Variants in POLR3B observed in about 807,000 individuals in gnomAD.
The protein encoded by POLR3B is RNA polymerase III subunit B.
Under a neutral mutation model 147.4 loss-of-function variants are expected in POLR3B, and 96 were observed. The observed-to-expected ratio is 0.65, with a 90% CI of 0.55 to 0.77. POLR3B has a LOEUF of 0.77. Among genes scored for constraint, POLR3B ranks in the 30% least tolerant of loss-of-function variants. The probability of loss-of-function intolerance (pLI) is 0.00; values close to 1 mark genes in which losing one functional copy is unlikely to be tolerated. For missense variants in POLR3B, 1,036 were observed against 1,413.5 expected, an observed-to-expected ratio of 0.73 and a Z score of 4.28; for synonymous variants, 461 against 485.9, an observed-to-expected ratio of 0.95 and a Z score of 0.67.
intron 1 of POLR3B, among the ~76,000 whole-genome samples, chr12:106,359,362 A>T (rs180886499): frequency 1.5e-5 from 2 of 132,088 alleles, no homozygotes; most frequent in African/African-American, 5.8e-5. Flanking sequence ...GACGGAGTCT[A>T]GCTCTGTCGC....
chr12:106,497,741 A>G (rs990745219), intron 25 of POLR3B, among the ~76,000 whole-genome samples: 1 of 152,252 alleles, frequency 6.6e-6, no homozygotes, highest in African/African-American at 2.4e-5. Flanking sequence ...ACATGGTCCC[A>G]GTTCTATGGA....
chr12:106,431,098 A>G (rs2037504371), intron 14 of POLR3B, among the ~76,000 whole-genome samples: 1 of 152,116 alleles, frequency 6.6e-6, no homozygotes, highest in Non-Finnish European at 1.5e-5. Context: ...ATTGTATCTC[A>G]AGCTCCTAAC....
At chr12:106,457,326 A>T in intron 21 of POLR3B, 30 bp downstream of exon 21, 1 of 1,563,764 alleles carries the variant, frequency 6.4e-7, no homozygotes, top group Non-Finnish European at 8.8e-7. Context: ...AAAAATTTTA[A>T]TACTTTTTGA....
At chr12:106,358,654 G>T (rs143194599) in intron 1 of POLR3B, among the ~76,000 whole-genome samples, 4 of 152,130 alleles carry the variant, frequency 2.6e-5, no homozygotes, top group African/African-American at 9.7e-5. Context: ...AGACGTGGCC[G>T]GAGAAGATAG....
intron 1 of POLR3B, among the ~76,000 whole-genome samples, chr12:106,363,471 C>T (rs1015137501): frequency 6.6e-6 from 1 of 152,192 alleles, no homozygotes; most frequent in Non-Finnish European, 1.5e-5. Context: ...TCTGACCAGA[C>T]AGTAGTTGAG....
rs1173864355 is a variant in POLR3B at position 106,475,413 on chromosome 12, G to A, written c.2713+11793G>A. 1.6e-4 allele frequency among the ~76,000 whole-genome samples: 16 copies of A among 97,674 alleles called. 2 individuals are homozygous for A. The South Asian group carries it at 4.9e-3, about 30-fold the overall frequency. The allele number at this position is 97,674 out of a possible 152,430, so 64.1% of individuals were successfully genotyped here. On this transcript the variant is annotated intron_variant, in intron 23 of 27. Coordinates refer to ENST00000228347, the MANE Select transcript of POLR3B (RefSeq NM_018082.6). Reference sequence around the variant, plus strand: ...GGTGCAGAGCTGAGTTCAATTCCTGGGTATCCTTGTTGACTTTCTGTCTCA... The same window carrying A: ...GGTGCAGAGCTGAGTTCAATTCCTGAGTATCCTTGTTGACTTTCTGTCTCA...
chr12:106,507,941 A>G, intron 27 of POLR3B: 1 of 366,176 alleles, frequency 2.7e-6, no homozygotes, highest in Non-Finnish European at 5.3e-6. Context: ...CACTATTAAC[A>G]TTTTGGTGAC....
At chr12:106,481,071 A>G (rs1484404656) in intron 23 of POLR3B, among the ~76,000 whole-genome samples, 1 of 152,224 alleles carries the variant, frequency 6.6e-6, no homozygotes, top group Non-Finnish European at 1.5e-5. Flanking sequence ...GCTGTAGCTC[A>G]CCTAATAGAA....
At chr12:106,437,545 G>A (rs2037593556) in intron 17 of POLR3B, 136 bp from the exon 18 acceptor site, 2 of 674,622 alleles carry the variant, frequency 3.0e-6, no homozygotes, top group Non-Finnish European at 5.4e-6. Context: ...CATGTTTCAG[G>A]TATCCCAATG....
chr12:106,375,877 A>T (rs1330238808), intron 6 of POLR3B, among the ~76,000 whole-genome samples: 1 of 152,138 alleles, frequency 6.6e-6, no homozygotes, highest in African/African-American at 2.4e-5. Context: ...TTGTTTTTTG[A>T]GACAGAGCCT....
intron 20 of POLR3B, among the ~76,000 whole-genome samples, chr12:106,455,796 G>C (rs2037857493): frequency 1.3e-5 from 2 of 152,266 alleles, no homozygotes; most frequent in Admixed American, 6.5e-5. Context: ...CAATTTCCTA[G>C]GAGCCATGAT....
intron 11 of POLR3B, among the ~76,000 whole-genome samples, chr12:106,409,093 T>C (rs930720045): frequency 2.0e-5 from 3 of 152,242 alleles, no homozygotes; most frequent in Non-Finnish European, 2.9e-5. Context: ...TTGTTGAAAA[T>C]TGAAAATTTT....
At chr12:106,457,570 G>A (rs970952097) in intron 21 of POLR3B, among the ~76,000 whole-genome samples, 1 of 152,176 alleles carries the variant, frequency 6.6e-6, no homozygotes, top group Non-Finnish European at 1.5e-5. Context: ...ATTTAGAGTA[G>A]TTTATGTCCC....
At chr12:106,397,287 T>G (rs117889148) in intron 10 of POLR3B, among the ~76,000 whole-genome samples, 1 of 152,202 alleles carries the variant, frequency 6.6e-6, no homozygotes, top group African/African-American at 2.4e-5. Flanking sequence ...TTGTCAACAC[T>G]CTTACTTGGT....
chr12:106,442,512 TGA>T (rs1381548548), intron 18 of POLR3B, among the ~76,000 whole-genome samples: 2 of 152,188 alleles, frequency 1.3e-5, no homozygotes, highest in Middle Eastern at 3.2e-3. Flanking sequence ...CCTGCTTGTC[TGA>T]GAGGATTGGG....
intron 12 of POLR3B, among the ~76,000 whole-genome samples, chr12:106,421,436 A>AG (rs2037372554): frequency 6.6e-6 from 1 of 152,150 alleles, no homozygotes; most frequent in South Asian, 2.1e-4. Flanking sequence ...ATGACTTACT[A>AG]TCAAACTTTT....
intron 6 of POLR3B, among the ~76,000 whole-genome samples, chr12:106,373,990 ATTTT>A (rs201365204): frequency 6.7e-6 from 1 of 149,882 alleles, no homozygotes; most frequent in Non-Finnish European, 1.5e-5. Flanking sequence ...ATAATGGAAG[ATTTT>A]TTTTTTCTCA....
chr12:106,378,115 A>G, intron 7 of POLR3B, 152 bp from the exon 8 acceptor site: 1 of 607,064 alleles, frequency 1.6e-6, no homozygotes, highest in Non-Finnish European at 3.0e-6. Context: ...AAAATAAAAA[A>G]TAAAATCAGC....
intron 21 of POLR3B, 105 bp downstream of exon 21, chr12:106,457,401 T>A (rs943800608): frequency 5.7e-6 from 5 of 881,844 alleles, no homozygotes; most frequent in Non-Finnish European, 5.5e-6. Flanking sequence ...AGTAACAACC[T>A]ATAAAACCAC....
Sources: allele counts gnomAD v4.1 joint callset (sites outside exome capture counted in the v4.1 genomes callset), GRCh38; gene constraint gnomAD v4.1.1; transcripts MANE v1.5; gene names NCBI Gene and HGNC (gene_info 2026-07-23, HGNC 2026-07-21).